Variants in CHST8 observed in about 807,000 individuals in gnomAD.
CHST8 encodes GALNAC-4-ST1.
In CHST8, 10 loss-of-function variants were observed where a neutral mutation model predicts 15.0. The ratio of observed to expected loss-of-function variants is 0.67; its 90% confidence interval spans 0.41 to 1.13. CHST8 has a LOEUF of 1.13. Among genes scored for constraint, CHST8 ranks in the 50% most tolerant of loss-of-function variants. The pLI, the probability that CHST8 is intolerant of heterozygous loss-of-function variation, is 0.00. For missense variants in CHST8, 634 were observed against 608.2 expected (o/e 1.04, Z -0.45); for synonymous variants, 259 against 256.6 (o/e 1.01, Z -0.09).
chr19:33,718,824 GGGGAGAGGTCAC>G (rs1342183704), intron 3 of CHST8, among the ~76,000 whole-genome samples: 6 of 152,230 alleles, frequency 3.9e-5, no homozygotes, highest in Non-Finnish European at 7.3e-5. Context: ...TGGATCCAGT[GGGGAGAGGTCAC>G]GGTCCCCTAG....
At chr19:33,644,059 A>C (rs966505980) in intron 1 of CHST8, among the ~76,000 whole-genome samples, 3 of 152,000 alleles carry the variant, frequency 2.0e-5, no homozygotes, top group African/African-American at 7.3e-5. Flanking sequence ...CAGCTTCCCG[A>C]GTAGCTGGGA....
At chr19:33,665,736 A>G (rs1375431741) in intron 1 of CHST8, among the ~76,000 whole-genome samples, 2 of 152,082 alleles carry the variant, frequency 1.3e-5, no homozygotes, top group African/African-American at 2.4e-5. Context: ...GTGTCCCCCA[A>G]GGAACACTTC....
At chr19:33,653,594 A>G (rs773279527) in intron 1 of CHST8, among the ~76,000 whole-genome samples, 2 of 152,190 alleles carry the variant, frequency 1.3e-5, no homozygotes, top group Non-Finnish European at 2.9e-5. Context: ...TGCAAGTCAC[A>G]TGTATGAAGG....
At chr19:33,639,316 G>A (rs1972247460) in intron 1 of CHST8, among the ~76,000 whole-genome samples, 1 of 152,132 alleles carries the variant, frequency 6.6e-6, no homozygotes, top group South Asian at 2.1e-4. Flanking sequence ...AGGAGTTACA[G>A]CGCTCGAGGA....
chr19:33,761,437 C>T (rs906141347), intron 3 of CHST8, among the ~76,000 whole-genome samples: 21 of 152,036 alleles, frequency 1.4e-4, no homozygotes, highest in Non-Finnish European at 2.5e-4. Context: ...TCAAGTAAGG[C>T]TCATGCCCCA....
At chr19:33,630,160 G>A (rs139716446) in intron 1 of CHST8, among the ~76,000 whole-genome samples, 275 of 152,312 alleles carry the variant, frequency 1.8e-3, no homozygotes, top group African/African-American at 6.3e-3. Flanking sequence ...TTCCTGTGCC[G>A]CATCCAGGCA....
intron 3 of CHST8, among the ~76,000 whole-genome samples, chr19:33,766,358 A>G (rs1331511865): frequency 6.6e-6 from 1 of 151,996 alleles, no homozygotes; most frequent in Middle Eastern, 3.4e-3. Context: ...CATGGAGTGG[A>G]GCCTGGCATT....
chr19:33,694,217 T>C (rs1255687767), intron 3 of CHST8, among the ~76,000 whole-genome samples: 1 of 90,044 alleles, frequency 1.1e-5, no homozygotes, highest in Non-Finnish European at 2.1e-5. Flanking sequence ...TATATATATA[T>C]ATAATGTTAC....
At chr19:33,631,927 T>G (rs535548546) in intron 1 of CHST8, among the ~76,000 whole-genome samples, 161 of 152,282 alleles carry the variant, frequency 1.1e-3, no homozygotes, top group Non-Finnish European at 1.2e-3. Context: ...ATCCACCTCC[T>G]AGAGCTGTTG....
intron 1 of CHST8, among the ~76,000 whole-genome samples, chr19:33,665,448 A>G (rs1232087342): frequency 6.6e-6 from 1 of 152,156 alleles, no homozygotes; most frequent in East Asian, 1.9e-4. Flanking sequence ...CTGTGTTCCA[A>G]TAAAACTTTA....
At chr19:33,764,014 G>A (rs1041392428) in intron 3 of CHST8, among the ~76,000 whole-genome samples, 31 of 152,234 alleles carry the variant, frequency 2.0e-4, no homozygotes, top group Non-Finnish European at 2.9e-5. Flanking sequence ...CAGTGGGATT[G>A]CCCCTGTCTG....
intron 1 of CHST8, among the ~76,000 whole-genome samples, chr19:33,639,146 T>G (rs1219502691): frequency 6.6e-6 from 1 of 151,244 alleles, no homozygotes; most frequent in Non-Finnish European, 1.5e-5. Flanking sequence ...CATCAGCTAT[T>G]TTTGGCTGAG....
chr19:33,668,451 G>C (rs1972691735), intron 2 of CHST8, among the ~76,000 whole-genome samples: 1 of 152,200 alleles, frequency 6.6e-6, no homozygotes, highest in South Asian at 2.1e-4. Flanking sequence ...GCTTTGTGAG[G>C]GGGGAAAGAT....
At chr19:33,702,421 A>G (rs924499578) in intron 3 of CHST8, among the ~76,000 whole-genome samples, 1 of 152,228 alleles carries the variant, frequency 6.6e-6, no homozygotes, top group Non-Finnish European at 1.5e-5. Context: ...TTTTTCTCAA[A>G]GGACATTTCT....
chr19:33,758,776 G>A (rs1226905189), intron 3 of CHST8, among the ~76,000 whole-genome samples: 2 of 152,212 alleles, frequency 1.3e-5, no homozygotes, highest in African/African-American at 2.4e-5. Context: ...CACTTTTCCT[G>A]TAAACAGGCA....
At chr19:33,705,606 G>A (rs555307257) in intron 3 of CHST8, among the ~76,000 whole-genome samples, 1 of 152,212 alleles carries the variant, frequency 6.6e-6, no homozygotes, top group Admixed American at 6.5e-5. Flanking sequence ...ACCTGGAGAT[G>A]CGGGTGTGGG....
intron 1 of CHST8, among the ~76,000 whole-genome samples, chr19:33,657,333 AT>A (rs1315957822): frequency 6.7e-6 from 1 of 150,034 alleles, no homozygotes; most frequent in East Asian, 2.0e-4. Context: ...CAGTAGCACG[AT>A]CTCAGCTCAC....
At chr19:33,756,142 A>G (rs1974541679) in intron 3 of CHST8, among the ~76,000 whole-genome samples, 2 of 152,234 alleles carry the variant, frequency 1.3e-5, no homozygotes, top group Middle Eastern at 3.2e-3. Context: ...ATTGCCTTAG[A>G]AGACTTCATG....
intron 3 of CHST8, among the ~76,000 whole-genome samples, chr19:33,728,362 C>T (rs1393190188): frequency 6.6e-6 from 1 of 152,256 alleles, no homozygotes; most frequent in Non-Finnish European, 1.5e-5. Flanking sequence ...GCGGTGCCCT[C>T]TGCTTCCTGG....
Sources: gnomAD v4.1 joint callset for allele counts (sites outside exome capture counted in the v4.1 genomes callset) on GRCh38, gnomAD v4.1.1 for gene constraint, MANE v1.5 for transcripts, NCBI Gene and HGNC (gene_info 2026-07-23, HGNC 2026-07-21) for gene names.